The following BPNT2 variants were observed in gnomAD, a reference collection of about 807,000 sequenced individuals.
The protein encoded by BPNT2 is Golgi-resident adenosine 3',5'-bisphosphate 3'-phosphatase.
In BPNT2, 11 loss-of-function variants were observed where a neutral mutation model predicts 29.3. The observed-to-expected ratio is 0.38, with a 90% CI of 0.24 to 0.62. The LOEUF (loss-of-function observed/expected upper bound fraction) is 0.62, where lower values mean the gene tolerates loss of function less well. Ranked by LOEUF, BPNT2 falls within the 20% of genes least tolerant of loss-of-function variation. The pLI is 0.62. For synonymous variants in BPNT2, 195 were observed against 187.7 expected (o/e 1.04, Z -0.32); for missense variants, 459 against 473.4 (o/e 0.97, Z 0.28).
At chr8:56,993,116 G>C in intron 1 of BPNT2, 83 bp downstream of exon 1, 1 of 1,534,582 alleles carries the variant, frequency 6.5e-7, no homozygotes, top group Non-Finnish European at 8.7e-7. Context: ...GGAACCAGAA[G>C]CTCCACATCC....
At chr8:56,971,230 C>A in intron 3 of BPNT2, among the ~76,000 whole-genome samples, 1 of 141,328 alleles carries the variant, frequency 7.1e-6, no homozygotes. Flanking sequence ...GGCAGAAGAG[C>A]AGCTACAAAA....
chr8:56,969,697 GACT>G (rs1406744723), intron 3 of BPNT2, among the ~76,000 whole-genome samples: 2 of 152,078 alleles, frequency 1.3e-5, no homozygotes, highest in African/African-American at 2.4e-5. Context: ...TAAAGAAAAG[GACT>G]ACATGAGTAT....
intron 3 of BPNT2, among the ~76,000 whole-genome samples, chr8:56,972,616 T>C (rs1001304701): frequency 1.3e-5 from 2 of 152,114 alleles, no homozygotes; most frequent in Admixed American, 6.5e-5. Flanking sequence ...TGAAGTCATA[T>C]GACAACTTTA....
intron 3 of BPNT2, among the ~76,000 whole-genome samples, chr8:56,972,812 T>C (rs1806060680): frequency 6.6e-6 from 1 of 151,200 alleles, no homozygotes; most frequent in Non-Finnish European, 1.5e-5. Context: ...TCTGTCTGCT[T>C]GAACAGGTTT....
At chr8:56,968,062 C>G (rs1157457446) in intron 3 of BPNT2, among the ~76,000 whole-genome samples, 2 of 151,996 alleles carry the variant, frequency 1.3e-5, no homozygotes, top group African/African-American at 4.8e-5. Flanking sequence ...ACTCAAATTT[C>G]CACAATGCAG....
intron 3 of BPNT2, 38 bp from the exon 4 acceptor site, chr8:56,966,390 G>A: frequency 6.4e-7 from 1 of 1,559,686 alleles, no homozygotes; most frequent in Non-Finnish European, 8.8e-7. Flanking sequence ...TGGCACTGAA[G>A]CTTTAAAACT....
intron 3 of BPNT2, among the ~76,000 whole-genome samples, chr8:56,971,789 C>CCCG (rs1554539102): frequency 7.0e-6 from 1 of 142,124 alleles, no homozygotes; most frequent in South Asian, 2.4e-4. Flanking sequence ...ACCACCCCCC[C>CCCG]CCCCACAATG....
chr8:56,981,349 G>A (rs998093684), intron 1 of BPNT2, among the ~76,000 whole-genome samples: 3 of 152,176 alleles, frequency 2.0e-5, no homozygotes, highest in South Asian at 4.1e-4. Flanking sequence ...GCTGGATCAC[G>A]AGGTCAAGAG....
intron 3 of BPNT2, among the ~76,000 whole-genome samples, chr8:56,975,440 T>C (rs1219546434): frequency 6.6e-6 from 1 of 152,212 alleles, no homozygotes; most frequent in East Asian, 1.9e-4. Context: ...ACTTAGGCTC[T>C]GTCTTTAACT....
rs973097974 is a variant in BPNT2 at position 56,960,988 on chromosome 8, C to T, written c.*2805G>A. 7.2e-5 allele frequency: 11 copies of T among 151,948 alleles called. No individual in the cohort carries two copies. Among genetic ancestry groups the T allele is most frequent in the Non-Finnish European group, 1.3e-4 (9 of 68,014 alleles). 9.4% of individuals were successfully genotyped at this position (151,948 alleles called of 1,614,324 possible). A position where few individuals can be genotyped will look rare whatever the true frequency, so the allele number is the denominator to read the frequency against. ...GGAGTGAGAGTTGTGAGGGAAGTAT[C>T]CTGGCTAAGAAAGAAAAGCAGAGAT... On this transcript the variant is annotated 3_prime_UTR_variant, in exon 5 of 5. Coordinates refer to ENST00000262644, the MANE Select transcript of BPNT2 (RefSeq NM_017813.5).
At chr8:56,981,516 G>C (rs1806243603) in intron 1 of BPNT2, among the ~76,000 whole-genome samples, 1 of 152,002 alleles carries the variant, frequency 6.6e-6, no homozygotes, top group Admixed American at 6.6e-5. Flanking sequence ...AGTGAGCCAA[G>C]ATCACGCCAC....
chr8:56,976,684 AAAACAAATACATAATTTTAGAGT>A (rs1314676541), intron 3 of BPNT2, among the ~76,000 whole-genome samples: 1 of 152,216 alleles, frequency 6.6e-6, no homozygotes, highest in Non-Finnish European at 1.5e-5. Flanking sequence ...GTTATTCAGC[AAAACAAATACATAATTTTAGAGT>A]AATCAAAAAT....
rs34114431 is a variant in BPNT2 at position 56,977,776 on chromosome 8, TG to T, written c.646+273del. Among the ~76,000 whole-genome samples, 31,817 of 151,934 alleles carry T rather than the reference TG, an allele frequency of 0.21. 3,694 individuals carry two copies. The highest frequency in any genetic ancestry group is 0.45 in the East Asian group (2,326 of 5,154). ...ACTGGAATAAACACTTATAAGCCAA[TG>T]AACACCACAGAATGCTGGCAAATTG... On this transcript the variant is annotated intron_variant, in intron 3 of 4. Coordinates refer to ENST00000262644, the MANE Select transcript of BPNT2 (RefSeq NM_017813.5).
intron 3 of BPNT2, among the ~76,000 whole-genome samples, chr8:56,973,598 G>C (rs979083258): frequency 6.6e-6 from 1 of 152,158 alleles, no homozygotes; most frequent in Non-Finnish European, 1.5e-5. Context: ...TCAAGATAGG[G>C]ATCTTGGAGA....
At chr8:56,989,492 T>C (rs1438749583) in intron 1 of BPNT2, among the ~76,000 whole-genome samples, 8 of 152,322 alleles carry the variant, frequency 5.3e-5, no homozygotes, top group Non-Finnish European at 1.2e-4. Context: ...GTTGTGAAGA[T>C]AAAATTAATA....
chr8:56,973,618 G>A (rs562889479), intron 3 of BPNT2, among the ~76,000 whole-genome samples: 2 of 152,318 alleles, frequency 1.3e-5, no homozygotes, highest in South Asian at 4.1e-4. Context: ...ACATTCAAGA[G>A]TGAACAGACA....
chr8:56,970,170 C>A (rs1051210357), intron 3 of BPNT2, among the ~76,000 whole-genome samples: 1 of 151,770 alleles, frequency 6.6e-6, no homozygotes, highest in African/African-American at 2.4e-5. Context: ...TTGCTAGTAG[C>A]AAAAAAATAA....
intron 1 of BPNT2, among the ~76,000 whole-genome samples, chr8:56,986,742 T>C (rs182705428): frequency 9.6e-4 from 146 of 152,316 alleles, no homozygotes; most frequent in African/African-American, 3.4e-3. Context: ...TAATTCATAA[T>C]AAAGTGTTAA....
At chr8:56,971,198 T>C (rs1196853325) in intron 3 of BPNT2, among the ~76,000 whole-genome samples, 1 of 150,206 alleles carries the variant, frequency 6.7e-6, no homozygotes, top group Non-Finnish European at 1.5e-5. Flanking sequence ...AAATGATGGA[T>C]GATAATGAGG....
Sources: allele counts gnomAD v4.1 joint callset (sites outside exome capture counted in the v4.1 genomes callset), GRCh38; gene constraint gnomAD v4.1.1; transcripts MANE v1.5; gene names NCBI Gene and HGNC (gene_info 2026-07-23, HGNC 2026-07-21).